SRRM4: variants seen among roughly 807,000 people sequenced by gnomAD.
The protein encoded by SRRM4 is serine/arginine repetitive matrix 4, also known as serine/arginine repetitive matrix protein 4.
A neutral mutation model predicts 68.9 loss-of-function variants in SRRM4; 33 were observed. The observed-to-expected ratio is 0.48, with a 90% CI of 0.36 to 0.64. The LOEUF (loss-of-function observed/expected upper bound fraction) is 0.64. Among genes scored for constraint, SRRM4 ranks in the 30% least tolerant of loss-of-function variants. The probability of loss-of-function intolerance (pLI) is 0.00; values close to 1 mark genes in which losing one functional copy is unlikely to be tolerated. For missense variants in SRRM4, 817 were observed against 827.1 expected (o/e 0.99, Z 0.15); for synonymous variants, 318 against 318.8 (o/e 1.00, Z 0.03).
intron 8 of SRRM4, among the ~76,000 whole-genome samples, chr12:119,143,534 C>T (rs1204383678): frequency 6.6e-6 from 1 of 152,144 alleles, no homozygotes; most frequent in Non-Finnish European, 1.5e-5. Flanking sequence ...TTCAGAGTGC[C>T]AGGATATGAC....
chr12:119,077,870 C>A (rs1007153745), intron 1 of SRRM4, among the ~76,000 whole-genome samples: 4 of 152,142 alleles, frequency 2.6e-5, no homozygotes, highest in South Asian at 2.1e-4. Context: ...TTTAGGGGAA[C>A]TTTCTCTCTC....
chr12:119,033,101 TA>T (rs1405045214), intron 1 of SRRM4, among the ~76,000 whole-genome samples: 1 of 152,222 alleles, frequency 6.6e-6, no homozygotes, highest in Non-Finnish European at 1.5e-5. Flanking sequence ...TTTCAATTTT[TA>T]AAAACTTCAT....
intron 1 of SRRM4, among the ~76,000 whole-genome samples, chr12:119,082,225 C>T (rs1273706487): frequency 6.6e-6 from 1 of 152,156 alleles, no homozygotes; most frequent in Non-Finnish European, 1.5e-5. Context: ...AGAGCCAAGA[C>T]CCTCCACAAA....
At chr12:119,002,822 C>T (rs931878081) in intron 1 of SRRM4, among the ~76,000 whole-genome samples, 1 of 152,026 alleles carries the variant, frequency 6.6e-6, no homozygotes, top group African/African-American at 2.4e-5. Context: ...TCACTGGGCT[C>T]TGGTGGTGAC....
chr12:119,125,839 T>A (rs1214606759), intron 7 of SRRM4, among the ~76,000 whole-genome samples: 1 of 150,122 alleles, frequency 6.7e-6, no homozygotes, highest in Non-Finnish European at 1.5e-5. Context: ...GAGAATCGCT[T>A]GAACCCAGGA....
rs969283577 is a variant in SRRM4 at position 118,981,817 on chromosome 12, C to G, written c.-66C>G. 37 of 1,557,026 alleles carry G rather than the reference C, an allele frequency of 2.4e-5. No homozygotes were observed. The highest frequency in any genetic ancestry group is 1.4e-5 in the African/African-American group (1 of 73,566). ...AGAGCCGGGAGCTGGGTGTCGCCCC[C>G]GTTTGGAATCCACGTTTCAGCACTT... On this transcript the variant is annotated 5_prime_UTR_variant, in exon 1 of 13. Transcript: ENST00000267260.
chr12:119,063,768 C>A (rs931152433), intron 1 of SRRM4, among the ~76,000 whole-genome samples: 7 of 151,984 alleles, frequency 4.6e-5, no homozygotes, highest in Non-Finnish European at 7.4e-5. Flanking sequence ...AGAGTAAAAC[C>A]CTTCCCACTA....
chr12:119,081,051 A>G (rs181504359), intron 1 of SRRM4, among the ~76,000 whole-genome samples: 182 of 152,352 alleles, frequency 1.2e-3, no homozygotes, highest in African/African-American at 4.2e-3. Context: ...TTTAACAAAT[A>G]TTAATTGAGC....
At chr12:118,995,755 T>C (rs1430638281) in intron 1 of SRRM4, among the ~76,000 whole-genome samples, 1 of 152,230 alleles carries the variant, frequency 6.6e-6, no homozygotes, top group African/African-American at 2.4e-5. Flanking sequence ...CAATACTTTA[T>C]GCTTGCTGAG....
chr12:119,069,149 T>C (rs1369447462), intron 1 of SRRM4, among the ~76,000 whole-genome samples: 1 of 152,058 alleles, frequency 6.6e-6, no homozygotes, highest in Non-Finnish European at 1.5e-5. Context: ...GAGCCCTAAA[T>C]AGTAAAGTCA....
chr12:119,002,929 A>G (rs1308739504), intron 1 of SRRM4, among the ~76,000 whole-genome samples: 1 of 150,362 alleles, frequency 6.7e-6, no homozygotes, highest in Non-Finnish European at 1.5e-5. Context: ...TGAACACTGC[A>G]TTTGAATGAA....
intron 1 of SRRM4, among the ~76,000 whole-genome samples, chr12:119,023,154 A>G (rs188155126): frequency 6.6e-5 from 10 of 152,280 alleles, no homozygotes; most frequent in East Asian, 1.9e-4. Context: ...CTTTCCCCCA[A>G]TCCAAATGCT....
chr12:119,075,633 T>C lies in SRRM4; in HGVS notation c.132-26603T>C, dbSNP rs544545457. ...ATGGTGGTGATGGTGATGATGATAG[T>C]GGTAATGATGATGATGATGGTAGCG... is the stretch of plus-strand genomic sequence containing the variant. On this transcript the variant is annotated intron_variant, in intron 1 of 12. Coordinates refer to ENST00000267260, the MANE Select transcript of SRRM4 (RefSeq NM_194286.4). Among the ~76,000 whole-genome samples the C allele has an allele frequency of 2.1e-4, 32 of 151,012 alleles. No individual in the cohort carries two copies. The South Asian group carries it at 6.1e-3, about 29-fold the overall frequency.
intron 1 of SRRM4, among the ~76,000 whole-genome samples, chr12:119,043,309 T>C (rs1953681804): frequency 6.6e-6 from 1 of 152,060 alleles, no homozygotes; most frequent in African/African-American, 2.4e-5. Context: ...AAACACCTCA[T>C]GTTCTCACTT....
chr12:119,095,714 C>T (rs1320033380), intron 1 of SRRM4, among the ~76,000 whole-genome samples: 1 of 152,062 alleles, frequency 6.6e-6, no homozygotes, highest in African/African-American at 2.4e-5. Context: ...ACACATAAGA[C>T]CAGTCCTATC....
chr12:118,984,475 G>A (rs1953270235), intron 1 of SRRM4, among the ~76,000 whole-genome samples: 1 of 152,160 alleles, frequency 6.6e-6, no homozygotes, highest in African/African-American at 2.4e-5. Context: ...TCTGCAGGGG[G>A]ATGGCAGGGA....
At chr12:119,100,718 C>T (rs1211258630) in intron 1 of SRRM4, among the ~76,000 whole-genome samples, 2 of 152,150 alleles carry the variant, frequency 1.3e-5, no homozygotes, top group African/African-American at 4.8e-5. Flanking sequence ...GCAAGCCTTG[C>T]TGGGTGTTAG....
chr12:119,060,977 T>C (rs985459176), intron 1 of SRRM4, among the ~76,000 whole-genome samples: 6 of 152,178 alleles, frequency 3.9e-5, no homozygotes, highest in African/African-American at 1.4e-4. Flanking sequence ...CCTCCTCCTG[T>C]AGGACACTGG....
At chr12:119,057,277 A>T (rs529576026) in intron 1 of SRRM4, among the ~76,000 whole-genome samples, 47 of 152,260 alleles carry the variant, frequency 3.1e-4, no homozygotes, top group South Asian at 2.7e-3. Flanking sequence ...TGCTACAAAG[A>T]TCAACTCATC....
Sources: gnomAD v4.1 joint callset for allele counts (sites outside exome capture counted in the v4.1 genomes callset) on GRCh38, gnomAD v4.1.1 for gene constraint, MANE v1.5 for transcripts, NCBI Gene and HGNC (gene_info 2026-07-23, HGNC 2026-07-21) for gene names.